Variants in IKBIP observed in about 807,000 individuals in gnomAD.
IKBIP encodes inhibitor of nuclear factor kappa-B kinase-interacting protein.
A neutral mutation model predicts 31.0 loss-of-function variants in IKBIP; 28 were observed. The observed-to-expected ratio is 0.90, with a 90% CI of 0.67 to 1.24. IKBIP has a LOEUF of 1.24. Among genes scored for constraint, IKBIP ranks in the 50% most tolerant of loss-of-function variants. IKBIP has a pLI of 0.00. For missense variants in IKBIP, 453 were observed against 441.9 expected (o/e 1.03, Z -0.23); for synonymous variants, 164 against 160.3 (o/e 1.02, Z -0.17).
At chr12:98,615,269 T>C (rs948941889) in intron 2 of IKBIP, among the ~76,000 whole-genome samples, 1 of 152,136 alleles carries the variant, frequency 6.6e-6, no homozygotes, top group Non-Finnish European at 1.5e-5. Context: ...TCACTCACTC[T>C]GTACCCAGGC....
In IKBIP at chr12:98,613,740, CA is replaced by C; in HGVS notation, c.897del (p.Asn299LysfsTer3). ...AATCTCCCAATGCGTAGTGTTAAAT[CA>C]TTTACTAATGGTTCTAAACGGGAAA... On this transcript the variant is annotated frameshift_variant, in exon 3 of 3. Transcript: ENST00000342502. LOFTEE classifies it high-confidence loss of function. 1 of 1,612,718 alleles carries C rather than the reference CA, an allele frequency of 6.2e-7. No individual in the cohort carries two copies. Among genetic ancestry groups the C allele is most frequent in the South Asian group, 1.1e-5 (1 of 90,614 alleles).
chr12:98,621,105 C>T (rs565940461), downstream of IKBIP, among the ~76,000 whole-genome samples: 33 of 151,888 alleles, frequency 2.2e-4, no homozygotes, highest in African/African-American at 6.5e-4. Context: ...AAAAATGAGC[C>T]GGGTGTAGTG....
chr12:98,616,214 G>C (rs2097606223), intron 2 of IKBIP, among the ~76,000 whole-genome samples: 1 of 152,016 alleles, frequency 6.6e-6, no homozygotes, highest in Non-Finnish European at 1.5e-5. Context: ...TCTCATTGTG[G>C]TTTTAATTTT....
intron 2 of IKBIP, among the ~76,000 whole-genome samples, chr12:98,632,801 A>G (rs1391992415): frequency 6.6e-6 from 1 of 151,062 alleles, no homozygotes; most frequent in Non-Finnish European, 1.5e-5. Flanking sequence ...ATATTTTTGT[A>G]TTTTTAGTAG....
chr12:98,641,441 T>C (rs2097630355), intron 1 of IKBIP, among the ~76,000 whole-genome samples: 1 of 152,246 alleles, frequency 6.6e-6, no homozygotes, highest in African/African-American at 2.4e-5. Flanking sequence ...TTAAGTATTT[T>C]AAGATGCCAA....
chr12:98,630,638 T>C (rs1172691285), intron 2 of IKBIP, among the ~76,000 whole-genome samples: 1 of 152,082 alleles, frequency 6.6e-6, no homozygotes, highest in African/African-American at 2.4e-5. Context: ...AGGAACCTAT[T>C]GATGACCAGG....
chr12:98,628,955 G>A (rs1454748503), intron 2 of IKBIP, among the ~76,000 whole-genome samples: 2 of 152,184 alleles, frequency 1.3e-5, no homozygotes, highest in Non-Finnish European at 2.9e-5. Flanking sequence ...GATGCTTTGA[G>A]GAGAGATAAA....
intron 2 of IKBIP, among the ~76,000 whole-genome samples, chr12:98,629,334 A>T (rs2153298062): frequency 6.6e-6 from 1 of 152,220 alleles, no homozygotes; most frequent in South Asian, 2.1e-4. Context: ...TGAGCCTAGG[A>T]GTTTGAGACC....
At chr12:98,639,844 G>A (rs2153300912) in intron 1 of IKBIP, among the ~76,000 whole-genome samples, 1 of 152,328 alleles carries the variant, frequency 6.6e-6, no homozygotes, top group African/African-American at 2.4e-5. Context: ...TACCCATTTA[G>A]CCCTATGTTT....
intron 2 of IKBIP, among the ~76,000 whole-genome samples, chr12:98,615,985 C>A (rs1207582804): frequency 6.6e-6 from 1 of 151,774 alleles, no homozygotes; most frequent in Non-Finnish European, 1.5e-5. Context: ...CCTTGACATA[C>A]TGATTCATTT....
Position 98,624,661 on chromosome 12 carries a change from T to G in IKBIP, c.*1269A>C. On this transcript the variant is annotated 3_prime_UTR_variant, in exon 3 of 3. Coordinates refer to ENST00000299157, the MANE Select transcript of IKBIP (RefSeq NM_153687.4). ...CTACATTATATAATTTCAAATAAAA[T>G]AAAATCAATTCATAAAACAAATTTA... 1 of 884,906 alleles carries G rather than the reference T, an allele frequency of 1.1e-6. No homozygotes were observed. The highest frequency in any genetic ancestry group is 1.4e-6 in the Non-Finnish European group (1 of 738,522). 54.8% of individuals were successfully genotyped at this position (884,906 alleles called of 1,614,324 possible).
chr12:98,641,705 G>T (rs2153301242), intron 1 of IKBIP, among the ~76,000 whole-genome samples: 1 of 152,176 alleles, frequency 6.6e-6, no homozygotes, highest in Non-Finnish European at 1.5e-5. Context: ...TCTCAGGCTG[G>T]AGCACAGTGG....
chr12:98,642,750 G>A (rs561899635), intron 1 of IKBIP, among the ~76,000 whole-genome samples: 1 of 151,434 alleles, frequency 6.6e-6, no homozygotes, highest in African/African-American at 2.4e-5. Context: ...ACAGGAGCAT[G>A]CCACCATGCC....
chr12:98,636,913 A>AG (rs201056003), intron 1 of IKBIP, among the ~76,000 whole-genome samples: 10 of 150,442 alleles, frequency 6.6e-5, no homozygotes, highest in East Asian at 2.0e-4. Flanking sequence ...CCTCCCTGCC[A>AG]GGGGGGAAAA....
In IKBIP at chr12:98,624,360, C is replaced by T. The variant is rs2097612343; in HGVS notation, c.*1570G>A. Reference sequence around the variant, plus strand: ...GTCAAGAAGTGTAATTTTAAGACTGCAAAAATTAATGCTATGCCCCTTAAT... The same window carrying T: ...GTCAAGAAGTGTAATTTTAAGACTGTAAAAATTAATGCTATGCCCCTTAAT... On this transcript the variant is annotated 3_prime_UTR_variant, in exon 3 of 3. Coordinates refer to ENST00000299157, the MANE Select transcript of IKBIP (RefSeq NM_153687.4). 6 of 985,004 alleles carry T rather than the reference C, an allele frequency of 6.1e-6. No homozygotes were observed. The highest frequency in any genetic ancestry group is 7.2e-6 in the Non-Finnish European group (6 of 829,706). 61.0% of individuals were successfully genotyped at this position (985,004 alleles called of 1,614,324 possible). A position where few individuals can be genotyped will look rare whatever the true frequency, so the allele number is the denominator to read the frequency against.
rs557702177 is a variant in IKBIP, at chr12:98,643,219, G to A, written c.179+1304C>T. 1.9e-3 allele frequency among the ~76,000 whole-genome samples: 286 copies of A among 152,282 alleles called. 1 individual carries two copies. Among genetic ancestry groups the A allele is most frequent in the African/African-American group, 6.6e-3 (274 of 41,560 alleles). On this transcript the variant is annotated intron_variant, in intron 1 of 2. Transcript: ENST00000299157. ...GCCCACCTCGGCCTCCCAAAGTGCT[G>A]GGATTACAGGTGTGAGCCACCGCGC...
intron 2 of IKBIP, among the ~76,000 whole-genome samples, chr12:98,631,629 C>T (rs1290760830): frequency 2.7e-5 from 4 of 147,946 alleles, no homozygotes; most frequent in Admixed American, 6.8e-5. Context: ...AAAAATTAGA[C>T]GGGTGTGGTG....
At chr12:98,614,861 T>G (rs2097605410) in intron 2 of IKBIP, among the ~76,000 whole-genome samples, 1 of 152,184 alleles carries the variant, frequency 6.6e-6, no homozygotes, top group African/African-American at 2.4e-5. Context: ...TTAAGAAAAT[T>G]TCATGAAATG....
At chr12:98,629,560 A>AACAT (rs2097618000) in intron 2 of IKBIP, among the ~76,000 whole-genome samples, 1 of 152,304 alleles carries the variant, frequency 6.6e-6, no homozygotes, top group East Asian at 1.9e-4. Context: ...CCCTGTCTCA[A>AACAT]ACATACATAC....
Sources: gnomAD v4.1 joint callset for allele counts (sites outside exome capture counted in the v4.1 genomes callset) on GRCh38, gnomAD v4.1.1 for gene constraint, MANE v1.5 for transcripts, NCBI Gene and HGNC (gene_info 2026-07-23, HGNC 2026-07-21) for gene names.